The following ABCA13 variants were observed in gnomAD, a reference collection of about 807,000 sequenced individuals.
ABCA13 encodes the protein ATP binding cassette subfamily A member 13, also known as ATP-binding cassette sub-family A member 13.
A neutral mutation model predicts 478.7 loss-of-function variants in ABCA13; 476 were observed. The observed-to-expected ratio is 0.99, with a 90% CI of 0.92 to 1.07. The LOEUF is 1.07. Ranked by LOEUF, ABCA13 falls within the 50% of genes least tolerant of loss-of-function variation. The probability of loss-of-function intolerance (pLI) is 0.00; values close to 1 mark genes in which losing one functional copy is unlikely to be tolerated. For missense variants in ABCA13, 6,060 were observed against 5,910.6 expected (o/e 1.03, Z -0.83); for synonymous variants, 2,252 against 2,158.9 (o/e 1.04, Z -1.20).
In ABCA13 at chr7:48,245,987, A is replaced by C. The variant is rs779374959; in HGVS notation, c.1616A>C (p.Glu539Ala). The C allele has an allele frequency of 1.2e-6, 2 of 1,613,672 alleles. No homozygotes were observed. Among genetic ancestry groups the C allele is most frequent in the African/African-American group, 1.3e-5 (1 of 74,908 alleles). The part of the protein sequence containing the change: ...QGLLCYCNSS[E>A]TSVLNKLLGS... ...CTGTTGTGCTATTGTAACTCCTCTG[A>C]GACGAGTGTTTTAAACAAGCTACTT... The change falls in exon 13 of 62, where the codon GAG becomes GCG. Residue 539 changes from glutamate to alanine, a missense_variant. Coordinates refer to ENST00000435803, the MANE Select transcript of ABCA13 (RefSeq NM_152701.5).
intron 3 of ABCA13, among the ~76,000 whole-genome samples, chr7:48,199,089 A>G (rs1252262254): frequency 6.6e-6 from 1 of 152,232 alleles, no homozygotes; most frequent in Non-Finnish European, 1.5e-5. Context: ...TCTGAGTTTT[A>G]TTTAATCTAT....
intron 23 of ABCA13, among the ~76,000 whole-genome samples, chr7:48,306,076 C>T (rs946048668): frequency 2.0e-5 from 3 of 152,156 alleles, no homozygotes; most frequent in South Asian, 2.1e-4. Flanking sequence ...ACAGGAACAA[C>T]GAACGAACGC....
At chr7:48,258,029 C>T (rs1439832265) in intron 15 of ABCA13, among the ~76,000 whole-genome samples, 3 of 151,984 alleles carry the variant, frequency 2.0e-5, no homozygotes, top group African/African-American at 7.2e-5. Context: ...GGTCAAGCAA[C>T]CCTCCTGCCT....
intron 51 of ABCA13, among the ~76,000 whole-genome samples, chr7:48,513,093 G>T (rs1329406042): frequency 6.6e-6 from 1 of 152,170 alleles, no homozygotes; most frequent in African/African-American, 2.4e-5. Context: ...ACCCGGTCTG[G>T]GGAACTGCTG....
chr7:48,245,895 T>G lies in ABCA13; in HGVS notation c.1524T>G (p.Gly508=). ...MLAKNAVCPN[G]RFSEKEVFLP... is the part of the protein sequence containing the mutation. ...CGAAGAATGCTGTCTGCCCGAATGG[T>G]CGTTTCTCTGAGAAGGAGGTCTTTT... Residue 508 remains glycine (G), a synonymous_variant, in exon 13 of 62, where the codon GGT becomes GGG. Coordinates refer to ENST00000435803, the MANE Select transcript of ABCA13 (RefSeq NM_152701.5). The G allele has an allele frequency of 6.2e-7, 1 of 1,613,442 alleles. No homozygotes were observed. The highest frequency in any genetic ancestry group is 8.5e-7 in the Non-Finnish European group (1 of 1,179,694).
intron 44 of ABCA13, among the ~76,000 whole-genome samples, chr7:48,467,768 T>A (rs1259542414): frequency 1.3e-5 from 2 of 152,220 alleles, no homozygotes; most frequent in African/African-American, 4.8e-5. Context: ...AAGTGTATGT[T>A]TTTAAGTAGT....
intron 58 of ABCA13, among the ~76,000 whole-genome samples, chr7:48,596,642 C>T (rs1244040043): frequency 6.6e-6 from 1 of 151,866 alleles, no homozygotes; most frequent in Non-Finnish European, 1.5e-5. Flanking sequence ...ACTAAAAATA[C>T]AAAAAATTAG....
At chr7:48,334,464 A>G (rs1805908435) in intron 27 of ABCA13, among the ~76,000 whole-genome samples, 1 of 151,876 alleles carries the variant, frequency 6.6e-6, no homozygotes, top group Admixed American at 6.6e-5. Flanking sequence ...CCTCCCAAGT[A>G]GCTGGGATTA....
rs747911647 is a variant in ABCA13, at chr7:48,274,250, AC to A, written c.4586del (p.Pro1529GlnfsTer2). On this transcript the variant is annotated frameshift_variant, in exon 17 of 62. Coordinates refer to ENST00000435803, the MANE Select transcript of ABCA13 (RefSeq NM_152701.5). LOFTEE classifies it high-confidence loss of function. Reference protein sequence around the residue: ...WRYFTELILRPIEMSDEIPNQ... With the variant: ...WRYFTELILRXIEMSDEIPNQ... ...GATATTTTACTGAATTAATTCTAAG[AC>A]CAATAGAAATGTCAGATGAAATTCC... 1 of 1,613,110 alleles carries A rather than the reference AC, an allele frequency of 6.2e-7. No individual in the cohort carries two copies. Among genetic ancestry groups the A allele is most frequent in the Non-Finnish European group, 8.5e-7 (1 of 1,179,590 alleles).
Position 48,275,699 on chromosome 7 carries a change from A to T in ABCA13, c.6033A>T (p.Glu2011Asp). Residue 2011 changes from glutamate to aspartate, a missense_variant, in exon 17 of 62, where the codon GAA (glutamate) becomes GAT (aspartate). Around this residue, in one of 3 missense-constraint regions of ABCA13, gnomAD observed 4,423 missense variants for 4,309.1 expected, o/e 1.03. Transcript: ENST00000435803. ...NLERTVQLIS[E>D]DWSLEKSTHN... The stretch of plus-strand genomic sequence containing the variant: ...AAAGGACAGTACAATTGATTTCTGA[A>T]GACTGGAGCCTAGAAAAAAGTACGC... 6.3e-7 allele frequency: 1 copy of T among 1,599,514 alleles called. No homozygotes were observed. The highest frequency in any genetic ancestry group is 1.1e-5 in the South Asian group (1 of 89,128).
chr7:48,426,109 C>A (rs1821390246), intron 41 of ABCA13, among the ~76,000 whole-genome samples: 2 of 152,202 alleles, frequency 1.3e-5, no homozygotes, highest in African/African-American at 4.8e-5. Context: ...TGTTCAAGGT[C>A]ACATGGCTGG....
rs1403242249 is a variant in ABCA13, at chr7:48,391,988, A to G, written c.11722A>G (p.Thr3908Ala). Residue 3908 changes from threonine (T) to alanine (A), a missense_variant, in exon 38 of 62, where the codon ACA becomes GCA. Physicochemically the swap from Thr to Ala is moderately conservative, Grantham distance 58 (BLOSUM62 0). Transcript: ENST00000435803. ...TIIINGKNLQ[T>A]DLSRVRMELG... The stretch of plus-strand genomic sequence containing the variant: ...CATCATCAATGGCAAGAACCTACAG[A>G]CAGACCTGTCGAGGGTCAGAATGGA... 1 of 1,613,986 alleles carries G rather than the reference A, an allele frequency of 6.2e-7. No homozygotes were observed. The highest frequency in any genetic ancestry group is 1.1e-5 in the South Asian group (1 of 91,088).
intron 3 of ABCA13, among the ~76,000 whole-genome samples, chr7:48,205,356 A>G (rs867778135): frequency 6.6e-6 from 1 of 152,056 alleles, no homozygotes; most frequent in Non-Finnish European, 1.5e-5. Context: ...TTTCAGTTGT[A>G]TTATTAAACA....
chr7:48,381,309 G>A (rs953003920), intron 35 of ABCA13, among the ~76,000 whole-genome samples: 9 of 151,962 alleles, frequency 5.9e-5, no homozygotes, highest in African/African-American at 2.2e-4. Context: ...CAGATGGGAG[G>A]TAGGAGGCAG....
At chr7:48,265,940 C>T (rs2128733918) in intron 15 of ABCA13, among the ~76,000 whole-genome samples, 1 of 151,622 alleles carries the variant, frequency 6.6e-6, no homozygotes, top group East Asian at 1.9e-4. Flanking sequence ...TCTTTTATTC[C>T]TACTTTGGCA....
chr7:48,482,656 C>A (rs564309793), intron 46 of ABCA13, among the ~76,000 whole-genome samples: 20 of 151,964 alleles, frequency 1.3e-4, no homozygotes, highest in Non-Finnish European at 1.6e-4. Flanking sequence ...GGCCTCCCAA[C>A]GTGCTGGGAT....
chr7:48,624,441 G>A (rs1038424823), intron 59 of ABCA13, among the ~76,000 whole-genome samples: 1 of 152,060 alleles, frequency 6.6e-6, no homozygotes, highest in African/African-American at 2.4e-5. Context: ...AATAAAACAT[G>A]CTTCTGAAGC....
intron 59 of ABCA13, among the ~76,000 whole-genome samples, chr7:48,638,472 G>A (rs1466263584): frequency 6.6e-6 from 1 of 152,142 alleles, no homozygotes; most frequent in Non-Finnish European, 1.5e-5. Context: ...TTTCAAAGAG[G>A]TTTTCTTCTC....
chr7:48,564,640 T>C (rs6966994), intron 55 of ABCA13, among the ~76,000 whole-genome samples: 20,970 of 151,728 alleles, frequency 0.14, 1,818 homozygotes, highest in African/African-American at 0.23. Context: ...TTGTAAATAG[T>C]AAAGTTTTGG....
Sources: allele counts gnomAD v4.1 joint callset (sites outside exome capture counted in the v4.1 genomes callset), GRCh38; gene constraint gnomAD v4.1.1; regional missense constraint gnomAD v4.1.1; transcripts MANE v1.5; gene names NCBI Gene and HGNC (gene_info 2026-07-23, HGNC 2026-07-21).